EPHB1: variants seen among roughly 807,000 people sequenced by gnomAD.
EPHB1 encodes EPH receptor B1, also known as ephrin type-B receptor 1.
EPHB1 carries 30 observed loss-of-function variants against 94.4 expected under a neutral mutation model. That is an observed-to-expected ratio of 0.32 (90% CI 0.24 to 0.43). The LOEUF (loss-of-function observed/expected upper bound fraction) is 0.43. Among genes scored for constraint, EPHB1 ranks in the 20% least tolerant of loss-of-function variants. The pLI is 1.00. For synonymous variants in EPHB1, 522 were observed against 489.1 expected (o/e 1.07, Z -0.89); for missense variants, 1,055 against 1,308.3 (o/e 0.81, Z 2.99).
intron 1 of EPHB1, among the ~76,000 whole-genome samples, chr3:134,824,126 T>C (rs78221310): frequency 9.9e-5 from 5 of 50,594 alleles, no homozygotes; most frequent in South Asian, 1.8e-3. Context: ...GATAATGCCC[T>C]TTTTTTTTTT....
chr3:135,129,510 A>T (rs752762484), intron 4 of EPHB1, among the ~76,000 whole-genome samples: 2 of 152,134 alleles, frequency 1.3e-5, no homozygotes, highest in Admixed American at 1.3e-4. Flanking sequence ...GGGTATATAC[A>T]TGGGACCTTT....
intron 1 of EPHB1, among the ~76,000 whole-genome samples, chr3:134,909,527 C>T (rs1001365036): frequency 6.6e-6 from 1 of 152,204 alleles, no homozygotes; most frequent in African/African-American, 2.4e-5. Context: ...TCTTCCACTG[C>T]ATTTGGATAG....
chr3:135,014,578 T>C (rs1035703558), intron 3 of EPHB1, among the ~76,000 whole-genome samples: 5 of 152,242 alleles, frequency 3.3e-5, no homozygotes, highest in Non-Finnish European at 4.4e-5. Context: ...AAATTGGCTA[T>C]TGAGTGTGTG....
At chr3:135,091,976 G>T (rs1938572960) in intron 3 of EPHB1, among the ~76,000 whole-genome samples, 2 of 152,150 alleles carry the variant, frequency 1.3e-5, no homozygotes, top group African/African-American at 2.4e-5. Flanking sequence ...TAAGAACTTG[G>T]TTATAAATTT....
At chr3:135,226,788 T>C (rs1222368747) in intron 12 of EPHB1, among the ~76,000 whole-genome samples, 1 of 152,068 alleles carries the variant, frequency 6.6e-6, no homozygotes, top group Non-Finnish European at 1.5e-5. Flanking sequence ...AATGTTATTA[T>C]GGCTTTATTT....
chr3:135,085,510 G>A (rs1938327139), intron 3 of EPHB1, among the ~76,000 whole-genome samples: 1 of 152,218 alleles, frequency 6.6e-6, no homozygotes, highest in Non-Finnish European at 1.5e-5. Context: ...CAGGTTTACT[G>A]CTCTGAGATT....
chr3:135,175,937 A>C (rs370049756), intron 9 of EPHB1, among the ~76,000 whole-genome samples: 33 of 152,290 alleles, frequency 2.2e-4, no homozygotes, highest in African/African-American at 7.7e-4. Context: ...ATAATTAAAA[A>C]CTGCTCACTG....
intron 11 of EPHB1, among the ~76,000 whole-genome samples, chr3:135,194,911 G>A (rs1402100204): frequency 1.3e-5 from 2 of 152,118 alleles, no homozygotes; most frequent in East Asian, 3.9e-4. Context: ...TGGCACGAGA[G>A]CTCTAGTCAT....
At chr3:135,191,862 C>G (rs2107709585) in intron 10 of EPHB1, among the ~76,000 whole-genome samples, 1 of 152,326 alleles carries the variant, frequency 6.6e-6, no homozygotes, top group East Asian at 1.9e-4. Context: ...AGAGGCCCAG[C>G]TCTTCCCAGC....
intron 1 of EPHB1, among the ~76,000 whole-genome samples, chr3:134,877,261 T>C (rs1028776659): frequency 7.2e-5 from 11 of 152,168 alleles, no homozygotes; most frequent in Non-Finnish European, 1.5e-4. Context: ...ACAGGACACC[T>C]GGAGAGCCTT....
chr3:135,052,847 C>T (rs1359931601), intron 3 of EPHB1, among the ~76,000 whole-genome samples: 2 of 91,994 alleles, frequency 2.2e-5, no homozygotes, highest in African/African-American at 4.6e-5. Context: ...GGCGACACAG[C>T]GAGACTCCGT....
At chr3:135,035,347 C>G (rs1215307049) in intron 3 of EPHB1, among the ~76,000 whole-genome samples, 4 of 152,150 alleles carry the variant, frequency 2.6e-5, no homozygotes, top group Admixed American at 2.6e-4. Flanking sequence ...CTGGCTTCTA[C>G]CCACAGAGTT....
chr3:135,040,782 A>T (rs962483867), intron 3 of EPHB1, among the ~76,000 whole-genome samples: 11 of 152,224 alleles, frequency 7.2e-5, no homozygotes, highest in Non-Finnish European at 1.0e-4. Flanking sequence ...GCTCTTTCTA[A>T]ACTGTAAAGC....
intron 3 of EPHB1, among the ~76,000 whole-genome samples, chr3:135,068,247 A>G (rs1325069280): frequency 6.6e-6 from 1 of 152,204 alleles, no homozygotes; most frequent in East Asian, 1.9e-4. Context: ...ATCGGGAACC[A>G]ATCCAAACTG....
At chr3:135,079,801 T>C (rs1031390128) in intron 3 of EPHB1, among the ~76,000 whole-genome samples, 2 of 152,102 alleles carry the variant, frequency 1.3e-5, no homozygotes, top group African/African-American at 2.4e-5. Context: ...GAGACGTGGC[T>C]CTCTCTTCAC....
chr3:135,209,829 G>T (rs1286244450), intron 12 of EPHB1, among the ~76,000 whole-genome samples: 2 of 152,144 alleles, frequency 1.3e-5, no homozygotes, highest in African/African-American at 4.8e-5. Context: ...TGGAGGATGG[G>T]TGGGAGAGGC....
At chr3:135,148,003 C>T (rs72979522) in intron 5 of EPHB1, among the ~76,000 whole-genome samples, 5,542 of 152,250 alleles carry the variant, frequency 0.036, 198 homozygotes, top group African/African-American at 0.097. Flanking sequence ...AGTGTATGTA[C>T]GTTAATTTTA....
At chr3:135,224,951 A>G (rs1943358731) in intron 12 of EPHB1, among the ~76,000 whole-genome samples, 1 of 152,196 alleles carries the variant, frequency 6.6e-6, no homozygotes, top group South Asian at 2.1e-4. Context: ...GTTCTAGTCT[A>G]AGGCCTTTCA....
intron 2 of EPHB1, among the ~76,000 whole-genome samples, chr3:134,927,909 T>C (rs2038824666): frequency 6.6e-6 from 1 of 152,230 alleles, no homozygotes; most frequent in Non-Finnish European, 1.5e-5. Context: ...AGGGTCAACA[T>C]GGCCTTTGGT....
Sources: gnomAD v4.1 joint callset for allele counts (sites outside exome capture counted in the v4.1 genomes callset) on GRCh38, gnomAD v4.1.1 for gene constraint, MANE v1.5 for transcripts, NCBI Gene and HGNC (gene_info 2026-07-23, HGNC 2026-07-21) for gene names.